Variants in CDH13 observed in about 807,000 individuals in gnomAD.
CDH13 encodes cadherin 13.
Under a neutral mutation model 63.8 loss-of-function variants are expected in CDH13, and 24 were observed. The ratio of observed to expected loss-of-function variants is 0.38; its 90% CI spans 0.27 to 0.53. The LOEUF (loss-of-function observed/expected upper bound fraction) is 0.53, where lower values mean the gene tolerates loss of function less well. Ranked by LOEUF, CDH13 falls within the 20% of genes least tolerant of loss-of-function variation. The pLI is 0.85. For synonymous variants in CDH13, 503 were observed against 355.3 expected (o/e 1.42, Z -4.67); for missense variants, 1,049 against 903.1 (o/e 1.16, Z -2.07).
chr16:83,485,654 AC>A (rs1432706843), intron 6 of CDH13, among the ~76,000 whole-genome samples: 3 of 151,684 alleles, frequency 2.0e-5, no homozygotes, highest in African/African-American at 7.3e-5. Flanking sequence ...CTTTGTGCAA[AC>A]CCCAGACTAG....
intron 2 of CDH13, among the ~76,000 whole-genome samples, chr16:82,910,533 C>T (rs1022461927): frequency 1.1e-4 from 17 of 152,032 alleles, no homozygotes; most frequent in Admixed American, 5.2e-4. Context: ...TGGAGTCAAC[C>T]GATTCCCTTG....
intron 6 of CDH13, among the ~76,000 whole-genome samples, chr16:83,444,630 C>G (rs552424839): frequency 2.0e-5 from 3 of 152,314 alleles, no homozygotes; most frequent in Non-Finnish European, 1.5e-5. Flanking sequence ...TCAGGGCCAT[C>G]ATTGCTCATG....
intron 3 of CDH13, among the ~76,000 whole-genome samples, chr16:83,107,094 AAG>A (rs1289333178): frequency 6.6e-6 from 1 of 152,212 alleles, no homozygotes; most frequent in Non-Finnish European, 1.5e-5. Context: ...AGGTGGATTG[AAG>A]AGAGTCAAAA....
chr16:83,548,452 C>A (rs1333268709), intron 7 of CDH13, among the ~76,000 whole-genome samples: 1 of 152,168 alleles, frequency 6.6e-6, no homozygotes, highest in African/African-American at 2.4e-5. Flanking sequence ...TATCTGGCCC[C>A]AGTGTCCGTA....
intron 1 of CDH13, among the ~76,000 whole-genome samples, chr16:82,808,138 G>T (rs1350264152): frequency 6.6e-6 from 1 of 152,126 alleles, no homozygotes; most frequent in Non-Finnish European, 1.5e-5. Context: ...TGACCTGTCT[G>T]CATATGTTTC....
At chr16:83,155,010 A>G (rs184579280) in intron 4 of CDH13, among the ~76,000 whole-genome samples, 3 of 152,352 alleles carry the variant, frequency 2.0e-5, no homozygotes, top group African/African-American at 7.2e-5. Context: ...TTATTTCATT[A>G]TTTAATTCTC....
chr16:82,827,322 G>T (rs2038302633), intron 1 of CDH13, among the ~76,000 whole-genome samples: 1 of 152,110 alleles, frequency 6.6e-6, no homozygotes, highest in Non-Finnish European at 1.5e-5. Flanking sequence ...CCATAAGAGG[G>T]ATTTAGGTAC....
At chr16:82,656,208 G>T (rs1475301299) in intron 1 of CDH13, among the ~76,000 whole-genome samples, 1 of 152,076 alleles carries the variant, frequency 6.6e-6, no homozygotes, top group African/African-American at 2.4e-5. Flanking sequence ...GCTTCAAGCA[G>T]AGAATCAGTG....
At chr16:83,271,705 T>C (rs186054370) in intron 5 of CDH13, among the ~76,000 whole-genome samples, 1 of 152,208 alleles carries the variant, frequency 6.6e-6, no homozygotes, top group African/African-American at 2.4e-5. Context: ...TATAGAAACC[T>C]TTCTTTTATC....
intron 8 of CDH13, among the ~76,000 whole-genome samples, chr16:83,621,213 C>G (rs1909780425): frequency 6.6e-6 from 1 of 152,170 alleles, no homozygotes; most frequent in African/African-American, 2.4e-5. Context: ...AGTCCAGTGC[C>G]AGTAGAGCCC....
rs371060077 is a variant in CDH13, at chr16:83,402,102, G to T, written c.781+57096G>T. ...TAGGTGTTAGAGGTCAGATCTGGAGGGATTTTGTATCCAGGAGGTTACCTT... is the reference window on the plus strand; with the variant it reads ...TAGGTGTTAGAGGTCAGATCTGGAGTGATTTTGTATCCAGGAGGTTACCTT... On this transcript the variant is annotated intron_variant, in intron 6 of 13. Transcript: ENST00000567109. Among the ~76,000 whole-genome samples the T allele has an allele frequency of 1.8e-3, 273 of 152,150 alleles. 1 individual carries two copies. Among genetic ancestry groups the T allele is most frequent in the Non-Finnish European group, 1.7e-3 (113 of 67,994 alleles).
intron 5 of CDH13, among the ~76,000 whole-genome samples, chr16:83,321,700 T>C (rs2090230143): frequency 6.6e-6 from 1 of 152,062 alleles, no homozygotes; most frequent in Non-Finnish European, 1.5e-5. Flanking sequence ...AGCTAATTTT[T>C]TGTATTTTTA....
intron 1 of CDH13, among the ~76,000 whole-genome samples, chr16:82,727,056 T>G (rs2033136906): frequency 6.6e-6 from 1 of 152,136 alleles, no homozygotes; most frequent in Admixed American, 6.5e-5. Flanking sequence ...TGCCTGTGCC[T>G]ATTAGAAACT....
At chr16:82,669,746 G>A (rs545987206) in intron 1 of CDH13, among the ~76,000 whole-genome samples, 2 of 152,104 alleles carry the variant, frequency 1.3e-5, no homozygotes, top group African/African-American at 2.4e-5. Flanking sequence ...ATAATTGGAC[G>A]GAACCATTTG....
intron 6 of CDH13, among the ~76,000 whole-genome samples, chr16:83,466,766 C>T (rs548563054): frequency 6.6e-6 from 1 of 152,196 alleles, no homozygotes; most frequent in African/African-American, 2.4e-5. Flanking sequence ...CAAGGGTATG[C>T]TTAAGTCACT....
At chr16:82,849,437 G>A (rs984667797) in intron 1 of CDH13, among the ~76,000 whole-genome samples, 53 of 152,246 alleles carry the variant, frequency 3.5e-4, no homozygotes, top group African/African-American at 1.2e-3. Context: ...GGGAGTAGGA[G>A]GTTTCAGTGA....
chr16:82,911,010 A>G (rs146543454), intron 2 of CDH13, among the ~76,000 whole-genome samples: 2 of 152,280 alleles, frequency 1.3e-5, no homozygotes, highest in African/African-American at 4.8e-5. Context: ...AGGTTGGTGT[A>G]CACTCAGAAC....
rs74993186 is a variant in CDH13, at chr16:83,593,851, C to G, written c.961-8603C>G. On this transcript the variant is annotated intron_variant, in intron 7 of 13. Transcript: ENST00000567109. ...CCACGATAGCCACTAAACAAGTAAT[C>G]AGTAAACAAGCACATTATAGACTGT... is the stretch of plus-strand genomic sequence containing the variant. 7.3e-3 allele frequency among the ~76,000 whole-genome samples: 1,111 copies of G among 152,250 alleles called. 13 individuals are homozygous for G. The highest frequency in any genetic ancestry group is 0.026 in the African/African-American group (1,065 of 41,538).
At chr16:82,662,177 G>A (rs1401483168) in intron 1 of CDH13, among the ~76,000 whole-genome samples, 2 of 144,328 alleles carry the variant, frequency 1.4e-5, no homozygotes, top group African/African-American at 5.0e-5. Context: ...TCACCCTTGT[G>A]TATTGCCAGG....
Sources: allele counts gnomAD v4.1 joint callset (sites outside exome capture counted in the v4.1 genomes callset), GRCh38; gene constraint gnomAD v4.1.1; transcripts MANE v1.5; gene names NCBI Gene and HGNC (gene_info 2026-07-23, HGNC 2026-07-21).